The following GRB10 variants were observed in gnomAD, a reference collection of about 807,000 sequenced individuals.
GRB10 encodes growth factor receptor bound protein 10.
GRB10 carries 20 observed loss-of-function variants against 80.9 expected under a neutral mutation model. The ratio of observed to expected loss-of-function variants is 0.25; its 90% CI spans 0.17 to 0.36. The LOEUF (loss-of-function observed/expected upper bound fraction) is 0.36. Among genes scored for constraint, GRB10 ranks in the 10% least tolerant of loss-of-function variants. The pLI, the probability that GRB10 is intolerant of heterozygous loss-of-function variation, is 1.00. For missense variants in GRB10, 548 were observed against 747.7 expected, an observed-to-expected ratio of 0.73 and a Z score of 3.12; for synonymous variants, 291 against 291.5, an observed-to-expected ratio of 1.00 and a Z score of 0.02.
chr7:50,757,664 G>C (rs915240366), intron 2 of GRB10, among the ~76,000 whole-genome samples: 1 of 152,230 alleles, frequency 6.6e-6, no homozygotes, highest in South Asian at 2.1e-4. Context: ...AGTAGCTTAA[G>C]TGACTAAAAG....
At chr7:50,771,893 T>C (rs778683246) in intron 2 of GRB10, among the ~76,000 whole-genome samples, 1 of 152,232 alleles carries the variant, frequency 6.6e-6, no homozygotes, top group Non-Finnish European at 1.5e-5. Flanking sequence ...TGGGCCTTCA[T>C]CATATCTATT....
intron 4 of GRB10, among the ~76,000 whole-genome samples, chr7:50,708,956 G>T (rs2153672657): frequency 6.6e-6 from 1 of 152,296 alleles, no homozygotes; most frequent in Admixed American, 6.5e-5. Context: ...TTACAGGCGT[G>T]AGCCACAGTA....
At chr7:50,736,338 C>T (rs1161540934) in intron 3 of GRB10, among the ~76,000 whole-genome samples, 1 of 152,158 alleles carries the variant, frequency 6.6e-6, no homozygotes, top group Non-Finnish European at 1.5e-5. Context: ...TACTACCAGG[C>T]TACAGTAATC....
At chr7:50,624,001 T>C (rs1179530790) in intron 8 of GRB10, among the ~76,000 whole-genome samples, 1 of 152,166 alleles carries the variant, frequency 6.6e-6, no homozygotes, top group Non-Finnish European at 1.5e-5. Flanking sequence ...ACTCAATCAG[T>C]AATAATGTAC....
intron 7 of GRB10, among the ~76,000 whole-genome samples, chr7:50,649,137 C>T (rs139224903): frequency 6.6e-6 from 1 of 152,210 alleles, no homozygotes; most frequent in East Asian, 1.9e-4. Context: ...GCTCCATTCT[C>T]GGAGGTGTGG....
intron 5 of GRB10, among the ~76,000 whole-genome samples, chr7:50,695,065 A>G (rs73349014): frequency 0.059 from 8,915 of 152,186 alleles, 875 homozygotes; most frequent in African/African-American, 0.2. Context: ...CTCCCAGGGT[A>G]TGATCCACTG....
intron 1 of GRB10, among the ~76,000 whole-genome samples, chr7:50,789,515 G>A (rs778428568): frequency 2.0e-5 from 3 of 152,200 alleles, no homozygotes; most frequent in Non-Finnish European, 4.4e-5. Flanking sequence ...AGTCAACTGA[G>A]GCAGTGTGCC....
At chr7:50,644,659 G>A (rs773190352) in intron 7 of GRB10, among the ~76,000 whole-genome samples, 10 of 152,178 alleles carry the variant, frequency 6.6e-5, no homozygotes, top group South Asian at 2.1e-4. Flanking sequence ...GGAACCTCAG[G>A]TAAGCTCTGT....
At chr7:50,706,917 C>T (rs1383695119) in intron 4 of GRB10, among the ~76,000 whole-genome samples, 1 of 152,218 alleles carries the variant, frequency 6.6e-6, no homozygotes, top group Non-Finnish European at 1.5e-5. Flanking sequence ...GCCTCCCAAC[C>T]CTCTGTTACT....
intron 2 of GRB10, among the ~76,000 whole-genome samples, chr7:50,757,759 C>T (rs1385665571): frequency 2.0e-5 from 3 of 152,164 alleles, no homozygotes; most frequent in Non-Finnish European, 4.4e-5. Context: ...TTACGGTCAC[C>T]ATCACAACAG....
intron 14 of GRB10, 146 bp from the exon 15 acceptor site, chr7:50,605,552 A>T: frequency 1.3e-6 from 1 of 755,568 alleles, no homozygotes; most frequent in East Asian, 2.6e-5. Flanking sequence ...TCAGGTGGGA[A>T]ATTCACCGGT....
At chr7:50,661,449 T>C (rs2059262655) in intron 7 of GRB10, among the ~76,000 whole-genome samples, 1 of 152,268 alleles carries the variant, frequency 6.6e-6, no homozygotes. Context: ...AAACTCATTA[T>C]GTAGCTGCAC....
At chr7:50,768,196 C>T (rs4947861) in intron 2 of GRB10, among the ~76,000 whole-genome samples, 124,008 of 152,152 alleles carry the variant, frequency 0.82, 50,608 homozygotes, top group Middle Eastern at 0.91. Context: ...AACTGTGCAA[C>T]GATAAAGGCA....
intron 7 of GRB10, among the ~76,000 whole-genome samples, chr7:50,635,182 C>T (rs1352593207): frequency 6.6e-6 from 1 of 152,156 alleles, no homozygotes; most frequent in Non-Finnish European, 1.5e-5. Flanking sequence ...TATCAAGTAT[C>T]TTCTTGGACC....
intron 7 of GRB10, among the ~76,000 whole-genome samples, chr7:50,652,246 C>T (rs886695008): frequency 1.3e-5 from 2 of 152,188 alleles, no homozygotes; most frequent in Admixed American, 1.3e-4. Context: ...TGAGAGCACA[C>T]ACTGCTAGTA....
At chr7:50,657,495 G>A (rs146181642) in intron 7 of GRB10, among the ~76,000 whole-genome samples, 258 of 152,264 alleles carry the variant, frequency 1.7e-3, no homozygotes, top group Non-Finnish European at 2.6e-3. Flanking sequence ...AGGAATGTGC[G>A]CCGGTACATG....
intron 5 of GRB10, among the ~76,000 whole-genome samples, chr7:50,700,866 T>C (rs2064102793): frequency 6.6e-6 from 1 of 152,370 alleles, no homozygotes; most frequent in Admixed American, 6.5e-5. Context: ...CAACTTTCTA[T>C]ATACCGTCAA....
At chr7:50,762,439 A>G (rs1587955214) in intron 2 of GRB10, among the ~76,000 whole-genome samples, 2 of 152,022 alleles carry the variant, frequency 1.3e-5, no homozygotes, top group African/African-American at 4.8e-5. Context: ...CCTCCACTTC[A>G]GTAAGTTAAA....
At chr7:50,765,770 A>G (rs1272795065) in intron 2 of GRB10, among the ~76,000 whole-genome samples, 2 of 152,180 alleles carry the variant, frequency 1.3e-5, no homozygotes, top group Admixed American at 6.5e-5. Context: ...AAATAAATCA[A>G]TAAGGTGACT....
Sources: gnomAD v4.1 joint callset for allele counts (sites outside exome capture counted in the v4.1 genomes callset) on GRCh38, gnomAD v4.1.1 for gene constraint, MANE v1.5 for transcripts, NCBI Gene and HGNC (gene_info 2026-07-23, HGNC 2026-07-21) for gene names.